Variants in PRKCE observed in about 807,000 individuals in gnomAD.
PRKCE encodes protein kinase C epsilon, also known as protein kinase C epsilon type.
In PRKCE, 16 loss-of-function variants were observed where a neutral mutation model predicts 85.4. That is an observed-to-expected ratio of 0.19 (90% CI 0.13 to 0.28). The LOEUF (loss-of-function observed/expected upper bound fraction) is 0.28. Among genes scored for constraint, PRKCE ranks in the 10% least tolerant of loss-of-function variants. The pLI is 1.00. For missense variants in PRKCE, 573 were observed against 975.2 expected, an observed-to-expected ratio of 0.59 and a Z score of 5.49; for synonymous variants, 388 against 371.5, an observed-to-expected ratio of 1.04 and a Z score of -0.51.
chr2:45,757,471 A>C (rs946979623), intron 1 of PRKCE, among the ~76,000 whole-genome samples: 1 of 152,106 alleles, frequency 6.6e-6, no homozygotes, highest in Non-Finnish European at 1.5e-5. Flanking sequence ...GTTTAAAACC[A>C]GTCTGGGCAA....
intron 1 of PRKCE, among the ~76,000 whole-genome samples, chr2:45,815,911 C>A (rs750711764): frequency 6.6e-6 from 1 of 152,180 alleles, no homozygotes; most frequent in Admixed American, 6.5e-5. Context: ...GGTATCCATT[C>A]CACAAATCCC....
intron 2 of PRKCE, among the ~76,000 whole-genome samples, chr2:45,922,118 A>G (rs1465408188): frequency 6.6e-6 from 1 of 152,148 alleles, no homozygotes; most frequent in Non-Finnish European, 1.5e-5. Context: ...GTTCCTAATG[A>G]GCTGATACTC....
At chr2:45,665,023 C>G (rs1460758905) in intron 1 of PRKCE, among the ~76,000 whole-genome samples, 2 of 152,196 alleles carry the variant, frequency 1.3e-5, no homozygotes, top group East Asian at 3.8e-4. Context: ...CTTTCCACCA[C>G]GATGTTGGAA....
intron 1 of PRKCE, among the ~76,000 whole-genome samples, chr2:45,756,352 G>A (rs1387383499): frequency 2.6e-5 from 4 of 152,114 alleles, no homozygotes; most frequent in Non-Finnish European, 5.9e-5. Flanking sequence ...ATAGTGGGGT[G>A]GATTAGAGAG....
chr2:46,034,824 A>T (rs1047948279), intron 10 of PRKCE, among the ~76,000 whole-genome samples: 1 of 152,262 alleles, frequency 6.6e-6, no homozygotes, highest in Non-Finnish European at 1.5e-5. Flanking sequence ...TGCACGTATC[A>T]GAGGCCAAAC....
chr2:45,689,901 CAAAAAAA>C (rs559521203), intron 1 of PRKCE, among the ~76,000 whole-genome samples: 3 of 82,018 alleles, frequency 3.7e-5, no homozygotes, highest in Non-Finnish European at 5.3e-5. Flanking sequence ...GACTCCATCT[CAAAAAAA>C]AAAAAAAAAA....
chr2:45,713,677 G>C (rs1354548306), intron 1 of PRKCE, among the ~76,000 whole-genome samples: 2 of 152,208 alleles, frequency 1.3e-5, no homozygotes, highest in Non-Finnish European at 2.9e-5. Context: ...GATGGGCCAA[G>C]AAGGGGGAAG....
At chr2:45,752,827 G>A (rs1200074230) in intron 1 of PRKCE, among the ~76,000 whole-genome samples, 4 of 152,152 alleles carry the variant, frequency 2.6e-5, no homozygotes, top group East Asian at 1.9e-4. Flanking sequence ...AGAGTACTCC[G>A]TGGGGTTTGC....
intron 1 of PRKCE, among the ~76,000 whole-genome samples, chr2:45,667,251 C>T (rs957927876): frequency 4.0e-5 from 6 of 151,850 alleles, no homozygotes; most frequent in Non-Finnish European, 8.8e-5. Context: ...GGGGAGGTTG[C>T]GGTGAGCCGA....
At chr2:45,903,674 G>A (rs555690233) in intron 2 of PRKCE, among the ~76,000 whole-genome samples, 92 of 152,302 alleles carry the variant, frequency 6.0e-4, no homozygotes, top group Admixed American at 1.1e-3. Context: ...CATGTAAGAT[G>A]TTCAGGGAAG....
intron 4 of PRKCE, among the ~76,000 whole-genome samples, chr2:45,979,602 G>A (rs1574097756): frequency 1.3e-5 from 2 of 152,146 alleles, no homozygotes; most frequent in Admixed American, 6.5e-5. Context: ...ATGGTCATGC[G>A]GTGGTTTTGC....
At chr2:45,754,528 C>A (rs921881594) in intron 1 of PRKCE, among the ~76,000 whole-genome samples, 3 of 152,094 alleles carry the variant, frequency 2.0e-5, no homozygotes, top group Non-Finnish European at 4.4e-5. Context: ...GGAAAATATT[C>A]CTTCGAACTC....
In PRKCE at chr2:45,842,934, G is replaced by A. The variant is rs368985817; in HGVS notation, c.349-66G>A. On this transcript the variant is annotated intron_variant, in intron 1 of 14. Transcript: ENST00000306156. ...GGTTTTAGCAGTTTGGGGTAGAAAT[G>A]TTGTGGAACTCTTAGGTTGCCCACA... 959 of 1,442,232 alleles carry A rather than the reference G, an allele frequency of 6.6e-4. 12 individuals are homozygous for A. The South Asian group carries it at 8.8e-3, about 13-fold the overall frequency. 89.3% of individuals were successfully genotyped at this position (1,442,232 alleles called of 1,614,324 possible).
At chr2:45,901,941 A>C (rs1469506275) in intron 2 of PRKCE, among the ~76,000 whole-genome samples, 1 of 152,236 alleles carries the variant, frequency 6.6e-6, no homozygotes, top group Non-Finnish European at 1.5e-5. Flanking sequence ...TTTTTATAAG[A>C]GTACATGGCC....
chr2:45,949,857 A>G lies in PRKCE; in HGVS notation c.413-26572A>G, dbSNP rs1700503677. 2.0e-5 allele frequency among the ~76,000 whole-genome samples: 3 copies of G among 148,706 alleles called. No individual in the cohort carries two copies. The South Asian group carries it at 6.5e-4, about 32-fold the overall frequency. The stretch of plus-strand genomic sequence containing the variant: ...ATTGCTTTGACTGTGAAATTTTGAT[A>G]TTTGATAGCGAAGCCTTCATTCTTT... On this transcript the variant is annotated intron_variant, in intron 2 of 14. Transcript: ENST00000306156.
At chr2:46,152,184 A>AT (rs200243387) in intron 13 of PRKCE, among the ~76,000 whole-genome samples, 241 of 145,640 alleles carry the variant, frequency 1.7e-3, no homozygotes, top group South Asian at 2.2e-3. Flanking sequence ...TTACAAAGAA[A>AT]TTTTTTTTTT....
chr2:45,980,223 C>T, intron 4 of PRKCE, 73 bp from the exon 5 acceptor site: 1 of 1,454,868 alleles, frequency 6.9e-7, no homozygotes. Flanking sequence ...CTCCACCAAG[C>T]CCTGAATAGA....
chr2:46,051,908 G>GA (rs776438560), intron 10 of PRKCE, among the ~76,000 whole-genome samples: 1 of 152,108 alleles, frequency 6.6e-6, no homozygotes, highest in Non-Finnish European at 1.5e-5. Context: ...CGAGAGCAGG[G>GA]AAAACTGCCT....
At chr2:45,978,729 T>C in intron 3 of PRKCE, 1 of 471,622 alleles carries the variant, frequency 2.1e-6, no homozygotes, top group South Asian at 2.6e-5. Flanking sequence ...AATGGCTCTC[T>C]GTATAGGAAA....
Sources: allele counts gnomAD v4.1 joint callset (sites outside exome capture counted in the v4.1 genomes callset), GRCh38; gene constraint gnomAD v4.1.1; transcripts MANE v1.5; gene names NCBI Gene and HGNC (gene_info 2026-07-23, HGNC 2026-07-21).